RANBP9: variants seen among roughly 807,000 people sequenced by gnomAD.
RANBP9 encodes the protein ran-binding protein 9.
Under a neutral mutation model 84.3 loss-of-function variants are expected in RANBP9, and 15 were observed. That is an observed-to-expected ratio of 0.18 (90% CI 0.12 to 0.27). RANBP9 has a LOEUF of 0.27. Ranked by LOEUF, RANBP9 falls within the 10% of genes least tolerant of loss-of-function variation. The pLI, the probability that RANBP9 is intolerant of heterozygous loss-of-function variation, is 1.00. For missense variants in RANBP9, 809 were observed against 912.8 expected (o/e 0.89, Z 1.46); for synonymous variants, 392 against 349.6 (o/e 1.12, Z -1.35).
chr6:13,664,610 T>C (rs1055107413), intron 2 of RANBP9, among the ~76,000 whole-genome samples: 5 of 152,196 alleles, frequency 3.3e-5, no homozygotes, highest in Middle Eastern at 3.4e-3. Context: ...CATTTCAAAA[T>C]AGCTAGAAGA....
At chr6:13,697,142 T>C (rs1456980223) in intron 1 of RANBP9, among the ~76,000 whole-genome samples, 2 of 152,196 alleles carry the variant, frequency 1.3e-5, no homozygotes, top group Non-Finnish European at 2.9e-5. Flanking sequence ...ATATGGAAAT[T>C]GAACCTAGCA....
chr6:13,634,335 C>T, intron 11 of RANBP9, 96 bp downstream of exon 11: 1 of 1,404,276 alleles, frequency 7.1e-7, no homozygotes, highest in Non-Finnish European at 9.7e-7. Flanking sequence ...ATCTTTAAAT[C>T]TGGTTTATGC....
At chr6:13,623,999 C>A (rs907328432) in intron 13 of RANBP9, among the ~76,000 whole-genome samples, 1 of 152,136 alleles carries the variant, frequency 6.6e-6, no homozygotes, top group African/African-American at 2.4e-5. Flanking sequence ...AATATAACTT[C>A]AAAAAGACAT....
chr6:13,681,400 A>G (rs1444318480), intron 2 of RANBP9, among the ~76,000 whole-genome samples: 1 of 152,178 alleles, frequency 6.6e-6, no homozygotes, highest in East Asian at 1.9e-4. Flanking sequence ...TTTACTGCAC[A>G]TTAATCAATA....
intron 5 of RANBP9, 77 bp from the exon 6 acceptor site, chr6:13,644,806 AAGAATAG>A: frequency 1.7e-6 from 2 of 1,188,750 alleles, no homozygotes; most frequent in Non-Finnish European, 2.3e-6. Flanking sequence ...TTACATTTAA[AAGAATAG>A]AACTATAAAT....
chr6:13,705,406 C>CAAAAAAA (rs774239782), intron 1 of RANBP9, among the ~76,000 whole-genome samples: 7 of 26,760 alleles, frequency 2.6e-4, no homozygotes, highest in East Asian at 1.5e-3. Context: ...GATTCTGTCT[C>CAAAAAAA]AAAAAAAAAA....
intron 12 of RANBP9, among the ~76,000 whole-genome samples, chr6:13,627,827 C>T (rs7760411): frequency 0.49 from 74,617 of 151,752 alleles, 19,354 homozygotes; most frequent in Admixed American, 0.6. Flanking sequence ...TCATAGCCTA[C>T]ATCCTAACAC....
At chr6:13,671,253 T>A (rs1765773022) in intron 2 of RANBP9, among the ~76,000 whole-genome samples, 1 of 152,156 alleles carries the variant, frequency 6.6e-6, no homozygotes, top group African/African-American at 2.4e-5. Flanking sequence ...TGGCAGCTCC[T>A]CAAAAAGTTA....
intron 2 of RANBP9, among the ~76,000 whole-genome samples, chr6:13,680,263 A>G (rs781282309): frequency 6.6e-6 from 1 of 152,180 alleles, no homozygotes; most frequent in Non-Finnish European, 1.5e-5. Flanking sequence ...CATCATACGA[A>G]AAAACTTTTC....
chr6:13,679,463 T>A (rs1262324355), intron 2 of RANBP9, among the ~76,000 whole-genome samples: 3 of 152,162 alleles, frequency 2.0e-5, no homozygotes, highest in African/African-American at 4.8e-5. Flanking sequence ...AGTTAACTAC[T>A]ACAACAACAA....
At chr6:13,676,492 C>A (rs1302103169) in intron 2 of RANBP9, among the ~76,000 whole-genome samples, 2 of 151,976 alleles carry the variant, frequency 1.3e-5, no homozygotes, top group Non-Finnish European at 2.9e-5. Flanking sequence ...CAAATAAAGA[C>A]ATTACAAGAA....
intron 4 of RANBP9, among the ~76,000 whole-genome samples, chr6:13,654,691 G>GT (rs1765362663): frequency 1.3e-5 from 2 of 152,184 alleles, no homozygotes; most frequent in African/African-American, 2.4e-5. Flanking sequence ...CTCTGCCACT[G>GT]TAACAGGAAA....
At chr6:13,658,950 G>C (rs1003234946) in intron 2 of RANBP9, 118 bp from the exon 3 acceptor site, 1 of 909,628 alleles carries the variant, frequency 1.1e-6, no homozygotes, top group South Asian at 1.4e-5. Flanking sequence ...TCCTAAGGTA[G>C]CAACAAAAAT....
At chr6:13,660,113 A>G (rs1385870911) in intron 2 of RANBP9, among the ~76,000 whole-genome samples, 5 of 152,210 alleles carry the variant, frequency 3.3e-5, no homozygotes, top group Admixed American at 6.5e-5. Flanking sequence ...TACAGAAAAC[A>G]TAAAACAGGA....
At chr6:13,690,229 A>G (rs1158439640) in intron 2 of RANBP9, among the ~76,000 whole-genome samples, 1 of 152,212 alleles carries the variant, frequency 6.6e-6, no homozygotes, top group Non-Finnish European at 1.5e-5. Context: ...AAGACAAATC[A>G]ATAAAATAAT....
At chr6:13,663,938 A>T (rs892510704) in intron 2 of RANBP9, among the ~76,000 whole-genome samples, 1 of 152,162 alleles carries the variant, frequency 6.6e-6, no homozygotes, top group Non-Finnish European at 1.5e-5. Flanking sequence ...ATAGTGAAAT[A>T]CTGAACACTA....
At chr6:13,684,095 T>C (rs961110947) in intron 2 of RANBP9, among the ~76,000 whole-genome samples, 1 of 152,158 alleles carries the variant, frequency 6.6e-6, no homozygotes, top group Non-Finnish European at 1.5e-5. Context: ...GCTAGGGGAT[T>C]ACAAAAGAAA....
At chr6:13,625,565 T>G in intron 13 of RANBP9, 88 bp downstream of exon 13, 2 of 795,860 alleles carry the variant, frequency 2.5e-6, no homozygotes, top group South Asian at 4.1e-5. Flanking sequence ...CCTGATGATT[T>G]TACCAAAGTG....
chr6:13,700,404 C>A lies in RANBP9; in HGVS notation c.572-3508G>T, dbSNP rs547420749. 4.6e-5 allele frequency among the ~76,000 whole-genome samples: 7 copies of A among 152,304 alleles called. No individual in the cohort carries two copies. The South Asian group carries it at 1.5e-3, about 32-fold the overall frequency. Reference sequence around the variant, plus strand: ...CTTTCCACCTCCTTTCTGCTCCAGCCGCATCAGCACTATTTCAATTCTTCA... The same window carrying A: ...CTTTCCACCTCCTTTCTGCTCCAGCAGCATCAGCACTATTTCAATTCTTCA... On this transcript the variant is annotated intron_variant, in intron 1 of 13. Coordinates refer to ENST00000011619, the MANE Select transcript of RANBP9 (RefSeq NM_005493.3).
Sources: allele counts gnomAD v4.1 joint callset (sites outside exome capture counted in the v4.1 genomes callset), GRCh38; gene constraint gnomAD v4.1.1; transcripts MANE v1.5; gene names NCBI Gene and HGNC (gene_info 2026-07-23, HGNC 2026-07-21).